ITGAV: variants seen among roughly 807,000 people sequenced by gnomAD.
ITGAV encodes integrin subunit alpha V.
ITGAV carries 76 observed loss-of-function variants against 143.8 expected under a neutral mutation model. That is an observed-to-expected ratio of 0.53 (90% confidence interval 0.44 to 0.64). The LOEUF (loss-of-function observed/expected upper bound fraction) is 0.64. Among genes scored for constraint, ITGAV ranks in the 30% least tolerant of loss-of-function variants. The probability of loss-of-function intolerance (pLI) is 0.00; values close to 1 mark genes in which losing one functional copy is unlikely to be tolerated. For synonymous variants in ITGAV, 453 were observed against 446.7 expected (o/e 1.01, Z -0.18); for missense variants, 1,193 against 1,274.7 (o/e 0.94, Z 0.98).
chr2:186,602,116 C>T lies in ITGAV; in HGVS notation c.281C>T (p.Thr94Ile), dbSNP rs150221000. The T allele has an allele frequency of 1.5e-5, 24 of 1,612,570 alleles. No homozygotes were observed. The African/African-American group carries it at 3.2e-4, about 22-fold the overall frequency. The change falls in exon 2 of 30, where the codon ACC (threonine) becomes ATC (isoleucine). Residue 94 changes from threonine to isoleucine, a missense_variant. Thr to Ile is a moderately conservative substitution (Grantham distance 89). Transcript: ENST00000261023. Reference protein sequence around the residue: ...GQVLKCDWSSTRRCQPIEFDA... With the variant: ...GQVLKCDWSSIRRCQPIEFDA... ...GTCCTCAAATGTGACTGGTCTTCTA[C>T]CCGCCGGTGCCAGCCAATTGAATTT... is the stretch of plus-strand genomic sequence containing the variant.
chr2:186,673,720 T>A (rs1574505980), intron 26 of ITGAV, among the ~76,000 whole-genome samples: 1 of 152,108 alleles, frequency 6.6e-6, no homozygotes, highest in African/African-American at 2.4e-5. Flanking sequence ...CAGGCTGGAG[T>A]GCAATGGTGT....
Position 186,638,303 on chromosome 2 carries a change from G to A in ITGAV, c.829G>A (p.Ala277Thr). 6.2e-7 allele frequency: 1 copy of A among 1,613,910 alleles called. No homozygotes were observed. Among genetic ancestry groups the A allele is most frequent in the South Asian group, 1.1e-5 (1 of 91,078 alleles). Residue 277 changes from alanine (A) to threonine (T), a missense_variant, in exon 9 of 30, where the codon GCA (alanine) becomes ACA (threonine). Physicochemically the swap from Ala to Thr is moderately conservative, Grantham distance 58. Coordinates refer to ENST00000261023, the MANE Select transcript of ITGAV (RefSeq NM_002210.5). Reference protein sequence around the residue: ...DDFVSGVPRAARTLGMVYIYD... With the variant: ...DDFVSGVPRATRTLGMVYIYD... ...CTTTGTTTCAGGAGTTCCAAGAGCA[G>A]CAAGGACTTTGGGAATGGTAGGACA...
At chr2:186,596,349 A>G (rs932660236) in intron 1 of ITGAV, among the ~76,000 whole-genome samples, 3 of 151,974 alleles carry the variant, frequency 2.0e-5, no homozygotes, top group African/African-American at 7.2e-5. Flanking sequence ...TCTTACCCTA[A>G]TTAAGCTGTT....
intron 7 of ITGAV, 109 bp from the exon 8 acceptor site, chr2:186,636,956 C>T (rs1687961195): frequency 1.2e-6 from 1 of 858,946 alleles, no homozygotes; most frequent in African/African-American, 1.7e-5. Context: ...CAAAATATTG[C>T]ATAAGTAAAG....
At chr2:186,598,854 A>G (rs765428344) in intron 1 of ITGAV, among the ~76,000 whole-genome samples, 12 of 152,130 alleles carry the variant, frequency 7.9e-5, no homozygotes, top group Non-Finnish European at 1.6e-4. Context: ...GACTGCATGG[A>G]GCTCTATTAA....
intron 28 of ITGAV, 70 bp downstream of exon 28, chr2:186,675,997 T>G (rs750602472): frequency 1.1e-6 from 1 of 882,686 alleles, no homozygotes; most frequent in South Asian, 1.5e-5. Flanking sequence ...TTTATTTTGT[T>G]TTTTAAAGAA....
At chr2:186,636,702 C>T (rs35540241) in intron 7 of ITGAV, among the ~76,000 whole-genome samples, 1 of 152,064 alleles carries the variant, frequency 6.6e-6, no homozygotes, top group Non-Finnish European at 1.5e-5. Context: ...AACATGTGTT[C>T]TCTCTTTCAA....
chr2:186,639,892 T>C (rs1327416501), intron 10 of ITGAV, among the ~76,000 whole-genome samples: 2 of 152,182 alleles, frequency 1.3e-5, no homozygotes, highest in South Asian at 2.1e-4. Context: ...TTCTGTTACA[T>C]AGTCGGCACA....
intron 28 of ITGAV, 127 bp from the exon 29 acceptor site, chr2:186,676,686 T>C (rs1689218662): frequency 9.6e-7 from 1 of 1,036,424 alleles, no homozygotes; most frequent in South Asian, 1.9e-5. Flanking sequence ...GTGAAACCAC[T>C]AAATTATCAT....
chr2:186,612,821 TAAAAAG>T (rs1216032647), intron 2 of ITGAV, among the ~76,000 whole-genome samples: 18 of 152,154 alleles, frequency 1.2e-4, no homozygotes, highest in Non-Finnish European at 2.2e-4. Flanking sequence ...TCCTGTAAAC[TAAAAAG>T]TTAAAAAGAA....
chr2:186,639,492 T>C (rs1315646521), intron 10 of ITGAV, among the ~76,000 whole-genome samples: 1 of 152,152 alleles, frequency 6.6e-6, no homozygotes, highest in East Asian at 1.9e-4. Flanking sequence ...CGTTTTGACT[T>C]CTCCAGCTCA....
At position 186,623,483 on chromosome 2, in the gene ITGAV, T is replaced by C. The variant is rs183851158; in HGVS notation, c.408+1053T>C. On this transcript the variant is annotated intron_variant, in intron 3 of 29. Transcript: ENST00000261023. ...GCTCTTAACGTTCAGTTTCCAAATA[T>C]TGGGGTATCCTTGATCTCTATTTAG... is the stretch of plus-strand genomic sequence containing the variant. 3.3e-5 allele frequency among the ~76,000 whole-genome samples: 5 copies of C among 152,286 alleles called. No individual in the cohort carries two copies. In the South Asian group the frequency reaches 6.2e-4, roughly 19 times the overall value.
rs765412857 is a variant in ITGAV, at chr2:186,590,309, C to T, written c.-30C>T. 7.2e-6 allele frequency: 11 copies of T among 1,529,554 alleles called. No individual in the cohort carries two copies. In the South Asian group the frequency reaches 1.2e-4, roughly 17 times the overall value. The allele number at this position is 1,529,554 out of a possible 1,614,324, so 94.7% of individuals were successfully genotyped here. A position where few individuals can be genotyped will look rare whatever the true frequency, so the allele number is the denominator to read the frequency against. ...GGGCGGGGGGAGGTGGCTACCGCTC[C>T]CGGCTTGGCGTCCCGCGCGCACTTC... On this transcript the variant is annotated 5_prime_UTR_variant, in exon 1 of 30. Transcript: ENST00000261023.
chr2:186,600,156 C>A (rs1188102841), intron 1 of ITGAV: 5 of 570,080 alleles, frequency 8.8e-6, no homozygotes, highest in Non-Finnish European at 1.2e-5. Context: ...GGCTCCTTGA[C>A]CTTATCTTGT....
At chr2:186,640,497 C>T (rs1688071958) in intron 10 of ITGAV, among the ~76,000 whole-genome samples, 1 of 152,118 alleles carries the variant, frequency 6.6e-6, no homozygotes, top group African/African-American at 2.4e-5. Context: ...CATAGGCATC[C>T]ATATAAAACT....
At chr2:186,604,641 T>C (rs889981075) in intron 2 of ITGAV, among the ~76,000 whole-genome samples, 2 of 152,218 alleles carry the variant, frequency 1.3e-5, no homozygotes, top group Non-Finnish European at 2.9e-5. Context: ...TTTATTAGCA[T>C]ATTTTTAAAT....
At chr2:186,654,611 G>T (rs9333290) in intron 15 of ITGAV, 39 bp from the exon 16 acceptor site, 260,957 of 1,041,908 alleles carry the variant, frequency 0.25, 35,667 homozygotes, top group Middle Eastern at 0.29. Flanking sequence ...TGTCTAAACT[G>T]AATTATAGAA....
At chr2:186,592,461 C>T (rs952155429) in intron 1 of ITGAV, among the ~76,000 whole-genome samples, 1 of 151,994 alleles carries the variant, frequency 6.6e-6, no homozygotes, top group African/African-American at 2.4e-5. Context: ...AAACAACAAA[C>T]AATAACAACA....
intron 3 of ITGAV, among the ~76,000 whole-genome samples, chr2:186,622,960 C>T (rs1023982718): frequency 7.2e-5 from 11 of 152,112 alleles, no homozygotes; most frequent in African/African-American, 2.7e-4. Flanking sequence ...GACAGGGTTT[C>T]GCCATGTTGG....
Sources: allele counts gnomAD v4.1 joint callset (sites outside exome capture counted in the v4.1 genomes callset), GRCh38; gene constraint gnomAD v4.1.1; transcripts MANE v1.5; gene names NCBI Gene and HGNC (gene_info 2026-07-23, HGNC 2026-07-21).